The following EVC2 variants were observed in gnomAD, a reference collection of about 807,000 sequenced individuals.
EVC2 encodes limbin.
In EVC2, 148 loss-of-function variants were observed where a neutral mutation model predicts 149.3. That is an observed-to-expected ratio of 0.99 (90% CI 0.87 to 1.14). The LOEUF (loss-of-function observed/expected upper bound fraction) is 1.14. Among genes scored for constraint, EVC2 ranks in the 50% most tolerant of loss-of-function variants. EVC2 has a pLI of 0.00. For synonymous variants in EVC2, 776 were observed against 649.9 expected (o/e 1.19, Z -2.95); for missense variants, 1,854 against 1,627.3 (o/e 1.14, Z -2.40).
chr4:5,707,705 C>A (rs1402241544), intron 1 of EVC2, among the ~76,000 whole-genome samples: 1 of 152,032 alleles, frequency 6.6e-6, no homozygotes, highest in Non-Finnish European at 1.5e-5. Context: ...TGGTGACCAG[C>A]TTTGTCGGGG....
At chr4:5,555,392 G>A (rs534764989) in intron 21 of EVC2, among the ~76,000 whole-genome samples, 61 of 152,230 alleles carry the variant, frequency 4.0e-4, no homozygotes, top group African/African-American at 1.3e-3. Context: ...CCAAATATAT[G>A]TTGTCTACCG....
intron 8 of EVC2, 134 bp downstream of exon 8, chr4:5,665,381 C>T: frequency 3.0e-6 from 4 of 1,339,302 alleles, no homozygotes; most frequent in East Asian, 2.3e-5. Context: ...TGGAGGTGGG[C>T]CCTGGGCATG....
At chr4:5,631,568 G>GGC (rs199666307) in intron 11 of EVC2, among the ~76,000 whole-genome samples, 34 of 75,620 alleles carry the variant, frequency 4.5e-4, no homozygotes, top group Non-Finnish European at 6.3e-4. Context: ...GCAGTAGACT[G>GGC]GGGGGGGGAA....
At chr4:5,675,211 T>A (rs1719912054) in intron 7 of EVC2, among the ~76,000 whole-genome samples, 1 of 152,390 alleles carries the variant, frequency 6.6e-6, no homozygotes, top group Admixed American at 6.5e-5. Context: ...TTCTCACTTA[T>A]CTGAGTGCTG....
chr4:5,602,292 A>T (rs1216108794), intron 16 of EVC2, among the ~76,000 whole-genome samples: 3 of 99,558 alleles, frequency 3.0e-5, no homozygotes, highest in Non-Finnish European at 3.6e-5. Flanking sequence ...ATTGCCTCTT[A>T]AAAAAAAAAA....
At position 5,679,465 on chromosome 4, in the gene EVC2, T is replaced by C. The variant is rs1720203675; in HGVS notation, c.870+1795A>G. 1.3e-5 allele frequency among the ~76,000 whole-genome samples: 2 copies of C among 152,150 alleles called. No homozygotes were observed. The highest frequency in any genetic ancestry group is 6.6e-5 in the Admixed American group (1 of 15,260). ...GTTGGCCAGGCTGATCTTGAACTCCTGGCTTCAAGTGATCAGCCCACCTCA... is the reference window on the plus strand; with the variant it reads ...GTTGGCCAGGCTGATCTTGAACTCCCGGCTTCAAGTGATCAGCCCACCTCA... On this transcript the variant is annotated intron_variant, in intron 7 of 21. Transcript: ENST00000344408. This position sits in a 1 kb window ranked among gnomAD's most constrained non-coding sequence, Gnocchi z 5.1.
rs149188988 is a variant in EVC2 at position 5,584,797 on chromosome 4, T to G, written c.2883A>C (p.Gly961=). 3.1e-4 allele frequency: 500 copies of G among 1,614,012 alleles called. 1 individual carries two copies. In the African/African-American group the frequency reaches 6.0e-3, roughly 19 times the overall value. ...ERVQRMEAQE[G]GFAQSLVALQ... is the part of the protein sequence containing the mutation. ...GAGCAACAAGCGACTGTGCAAAGCCTCCCTCCTGTGCCTCCATCCGCTGCA... is the reference window on the plus strand; with the variant it reads ...GAGCAACAAGCGACTGTGCAAAGCCGCCCTCCTGTGCCTCCATCCGCTGCA... Residue 961 remains glycine, a synonymous_variant, in exon 17 of 22, where the codon GGA becomes GGC. Transcript: ENST00000344408.
intron 5 of EVC2, among the ~76,000 whole-genome samples, chr4:5,687,054 C>T (rs1490993455): frequency 6.6e-6 from 1 of 151,728 alleles, no homozygotes; most frequent in Non-Finnish European, 1.5e-5. Context: ...GTCAGGAGTT[C>T]GTGACCAGCC....
chr4:5,529,423 C>T, the EVC2 span, among the ~76,000 whole-genome samples: 1 of 152,134 alleles, frequency 6.6e-6, no homozygotes, highest in Non-Finnish European at 1.5e-5. The surrounding 1 kb of genome is among the most constrained non-coding windows in gnomAD (Gnocchi z 4.5). Flanking sequence ...TTTTACCTCC[C>T]CGAAGAATCC....
At chr4:5,661,538 C>T (rs1192692388) in intron 9 of EVC2, among the ~76,000 whole-genome samples, 1 of 152,148 alleles carries the variant, frequency 6.6e-6, no homozygotes, top group African/African-American at 2.4e-5. Context: ...ATAACGTCTT[C>T]AGTCAGACAC....
At chr4:5,641,039 C>A (rs766137861) in intron 9 of EVC2, among the ~76,000 whole-genome samples, 1 of 152,016 alleles carries the variant, frequency 6.6e-6, no homozygotes, top group East Asian at 1.9e-4. Flanking sequence ...TTGTAAGGTA[C>A]CATGTGATGT....
the EVC2 span, among the ~76,000 whole-genome samples, chr4:5,531,050 G>A: frequency 6.6e-6 from 1 of 152,146 alleles, no homozygotes; most frequent in Non-Finnish European, 1.5e-5. Flanking sequence ...CTCTGAGGGT[G>A]GTTATTACTG....
At chr4:5,650,669 A>AGAGAGAGAGAGAGC (rs1384318671) in intron 9 of EVC2, among the ~76,000 whole-genome samples, 1 of 139,586 alleles carries the variant, frequency 7.2e-6, no homozygotes, top group Non-Finnish European at 1.5e-5. Context: ...AGAGAGAGAG[A>AGAGAGAGAGAGAGC]GAGCCATTTA....
At chr4:5,642,406 G>A (rs1031720322) in intron 9 of EVC2, among the ~76,000 whole-genome samples, 10 of 152,002 alleles carry the variant, frequency 6.6e-5, no homozygotes, top group Non-Finnish European at 1.3e-4. Flanking sequence ...ATGGTTATAG[G>A]TATCTTCCAG....
chr4:5,631,573 G>GGC (rs1035777992), intron 11 of EVC2, among the ~76,000 whole-genome samples: 1 of 150,538 alleles, frequency 6.6e-6, no homozygotes, highest in Admixed American at 6.6e-5. Context: ...AGACTGGGGG[G>GGC]GGGAACTGAA....
Position 5,694,378 on chromosome 4 carries a change from T to C in EVC2, c.407A>G (p.Lys136Arg). The C allele has an allele frequency of 6.2e-7, 1 of 1,614,184 alleles. No homozygotes were observed. Among genetic ancestry groups the C allele is most frequent in the Non-Finnish European group, 8.5e-7 (1 of 1,180,016 alleles). The change falls in exon 3 of 22, where the codon AAG (lysine) becomes AGG (arginine). Residue 136 changes from lysine to arginine, a missense_variant. Lys to Arg is a conservative substitution (Grantham distance 26). Transcript: ENST00000344408. ...AGACTCTCTTTTAAATAAGTTCTTC[T>C]TAGGCCAGGAGGGTATAAAAGCAAA... ...SLFAFIPSWPKKNLFKRESPI... is the reference protein window; with the variant it reads ...SLFAFIPSWPRKNLFKRESPI...
At position 5,708,500 on chromosome 4, in the gene EVC2, C is replaced by T; in HGVS notation, c.14G>A (p.Gly5Asp). The change falls in exon 1 of 22, where the codon GGC becomes GAC. Residue 5 changes from glycine (G) to aspartate (D), a missense_variant. By Grantham distance (94) the Gly-to-Asp change is moderately conservative. Transcript: ENST00000344408. MDPS[G>D]SRGRPTWVLA... ...CACCCACGTGGGGCGCCCCCGGGAGCCCGAGGGGTCCATCGCCTGTCGGGA... is the reference window on the plus strand; with the variant it reads ...CACCCACGTGGGGCGCCCCCGGGAGTCCGAGGGGTCCATCGCCTGTCGGGA... 1.4e-6 allele frequency: 2 copies of T among 1,476,816 alleles called. No individual in the cohort carries two copies. The highest frequency in any genetic ancestry group is 1.8e-6 in the Non-Finnish European group (2 of 1,121,700). 91.5% of individuals were successfully genotyped at this position (1,476,816 alleles called of 1,614,324 possible).
rs143491078 is a variant in EVC2, at chr4:5,622,643, C to G, written c.2395G>C (p.Asp799His). ...EQLEGEERDR[D>H]QEGVQSVRQR... is the part of the protein sequence containing the mutation. The stretch of plus-strand genomic sequence containing the variant: ...CTCACGCTCTGGACACCCTCCTGGT[C>G]CCTGTCCCTCTCCTCCCCCTCCAGC... Residue 799 changes from aspartate (D) to histidine (H), a missense_variant, in exon 14 of 22, where the codon GAC (aspartate) becomes CAC (histidine). Asp to His is a moderately conservative substitution (Grantham distance 81). Transcript: ENST00000344408. The surrounding 1 kb of genome is among the most constrained non-coding windows in gnomAD (Gnocchi z 5.8). 1,605 of 1,614,074 alleles carry G rather than the reference C, an allele frequency of 9.9e-4. 10 individuals are homozygous for G. The East Asian group carries it at 0.011, about 11-fold the overall frequency.
intron 21 of EVC2, among the ~76,000 whole-genome samples, chr4:5,544,979 G>A (rs1238913761): frequency 6.6e-6 from 1 of 152,168 alleles, no homozygotes; most frequent in Non-Finnish European, 1.5e-5. Flanking sequence ...CTGAGCACAT[G>A]CTGTTCCTTC....
Sources: gnomAD v4.1 joint callset for allele counts (sites outside exome capture counted in the v4.1 genomes callset) on GRCh38, gnomAD v4.1.1 for gene constraint, Gnocchi (gnomAD v3.1) non-coding constraint, MANE v1.5 for transcripts, NCBI Gene and HGNC (gene_info 2026-07-23, HGNC 2026-07-21) for gene names.